The following RANBP2 variants were observed in gnomAD, a reference collection of about 807,000 sequenced individuals.
The protein encoded by RANBP2 is E3 SUMO-protein ligase RanBP2.
In RANBP2, 57 loss-of-function variants were observed where a neutral mutation model predicts 303.6. The ratio of observed to expected loss-of-function variants is 0.19; its 90% CI spans 0.15 to 0.23. The LOEUF (loss-of-function observed/expected upper bound fraction) is 0.23. Ranked by LOEUF, RANBP2 falls within the 10% of genes least tolerant of loss-of-function variation. The pLI, the probability that RANBP2 is intolerant of heterozygous loss-of-function variation, is 1.00. For missense variants in RANBP2, 3,138 were observed against 3,780.8 expected, an observed-to-expected ratio of 0.83 and a Z score of 4.46; for synonymous variants, 1,167 against 1,301.5, an observed-to-expected ratio of 0.90 and a Z score of 2.23.
At chr2:109,371,262 C>T in the RANBP2 span, among the ~76,000 whole-genome samples, 5 of 152,322 alleles carry the variant, frequency 3.3e-5, no homozygotes, top group Middle Eastern at 3.4e-3. Context: ...TGGTGGCACA[C>T]GCCTGTAATC....
the RANBP2 span, among the ~76,000 whole-genome samples, chr2:108,857,732 A>C: frequency 6.6e-6 from 1 of 152,214 alleles, no homozygotes; most frequent in Non-Finnish European, 1.5e-5. Flanking sequence ...GTAGAATGAA[A>C]AGTGAAAAGT....
the RANBP2 span, among the ~76,000 whole-genome samples, chr2:108,924,317 G>C: frequency 1.3e-5 from 2 of 152,204 alleles, no homozygotes; most frequent in Non-Finnish European, 2.9e-5. Context: ...CACAGCCCCT[G>C]CTGGCACCAC....
At chr2:108,978,392 A>C in the RANBP2 span, among the ~76,000 whole-genome samples, 3 of 152,214 alleles carry the variant, frequency 2.0e-5, no homozygotes, top group Admixed American at 6.5e-5. Context: ...CAGTAAAAAA[A>C]CAAAAATATC....
the RANBP2 span, among the ~76,000 whole-genome samples, chr2:109,553,442 G>A: frequency 6.6e-6 from 1 of 151,756 alleles, no homozygotes; most frequent in African/African-American, 2.4e-5. Context: ...TACATGGGAG[G>A]CTGAGGTGGG....
the RANBP2 span, among the ~76,000 whole-genome samples, chr2:108,869,223 G>A: frequency 6.6e-6 from 1 of 152,074 alleles, no homozygotes; most frequent in African/African-American, 2.4e-5. Flanking sequence ...AAGATCTGTA[G>A]CAACCCAGCA....
chr2:109,260,736 G>A, the RANBP2 span, among the ~76,000 whole-genome samples: 7 of 152,160 alleles, frequency 4.6e-5, no homozygotes, highest in Non-Finnish European at 1.0e-4. Context: ...ACTGTCCATG[G>A]GCAATCCAGG....
At chr2:108,741,694 A>G (rs1696107922) in intron 7 of RANBP2, among the ~76,000 whole-genome samples, 1 of 148,774 alleles carries the variant, frequency 6.7e-6, no homozygotes, top group East Asian at 2.0e-4. Context: ...TACTTTTAGT[A>G]TAAGAGACGG....
At chr2:109,529,601 A>ATTTGC in the RANBP2 span, among the ~76,000 whole-genome samples, 5 of 152,158 alleles carry the variant, frequency 3.3e-5, no homozygotes, top group South Asian at 4.1e-4. Context: ...TTTGGGTTTC[A>ATTTGC]TTTGCTTTGC....
At chr2:108,837,298 G>A in the RANBP2 span, among the ~76,000 whole-genome samples, 1 of 152,214 alleles carries the variant, frequency 6.6e-6, no homozygotes, top group Middle Eastern at 3.4e-3. Flanking sequence ...ATAATCGTGT[G>A]GGTTTTGTCC....
chr2:108,795,080 A>G, the RANBP2 span, among the ~76,000 whole-genome samples: 7 of 150,724 alleles, frequency 4.6e-5, no homozygotes, highest in Non-Finnish European at 1.0e-4. Context: ...CTTCTTGTCA[A>G]CTCTCATCAA....
the RANBP2 span, among the ~76,000 whole-genome samples, chr2:108,893,835 A>ATAAT: frequency 6.6e-6 from 1 of 152,156 alleles, no homozygotes; most frequent in Non-Finnish European, 1.5e-5. Flanking sequence ...TTGTCTCAAA[A>ATAAT]TAATTATGTA....
chr2:109,270,515 A>G, the RANBP2 span, among the ~76,000 whole-genome samples: 1 of 152,166 alleles, frequency 6.6e-6, no homozygotes, highest in Non-Finnish European at 1.5e-5. Flanking sequence ...CAGGAGGGTG[A>G]GTAGAACCCA....
At chr2:109,253,905 T>C in the RANBP2 span, among the ~76,000 whole-genome samples, 28 of 152,126 alleles carry the variant, frequency 1.8e-4, no homozygotes, top group Non-Finnish European at 1.0e-4. Flanking sequence ...TTCTTCTTTC[T>C]AAAAGCATGG....
chr2:109,724,908 G>T, the RANBP2 span, among the ~76,000 whole-genome samples: 1 of 152,148 alleles, frequency 6.6e-6, no homozygotes, highest in African/African-American at 2.4e-5. Flanking sequence ...ACCCCCAAAG[G>T]GGTTCTTGGA....
At chr2:108,979,648 C>G in the RANBP2 span, among the ~76,000 whole-genome samples, 3 of 152,118 alleles carry the variant, frequency 2.0e-5, no homozygotes, top group East Asian at 5.8e-4. Context: ...CTCCTGCCTC[C>G]CTACCCAGGG....
the RANBP2 span, among the ~76,000 whole-genome samples, chr2:109,318,800 G>T: frequency 6.6e-6 from 1 of 152,208 alleles, no homozygotes; most frequent in Non-Finnish European, 1.5e-5. Context: ...ACGAGCTCTG[G>T]CCTGAGGCCA....
the RANBP2 span, among the ~76,000 whole-genome samples, chr2:109,159,583 G>A: frequency 6.6e-6 from 1 of 152,188 alleles, no homozygotes; most frequent in Non-Finnish European, 1.5e-5. Context: ...TATGACAGGG[G>A]TACCCAATCC....
the RANBP2 span, among the ~76,000 whole-genome samples, chr2:109,136,054 G>A: frequency 6.6e-6 from 1 of 152,178 alleles, no homozygotes; most frequent in East Asian, 1.9e-4. Context: ...TGATGGAGCT[G>A]AGCAGAATTC....
chr2:108,963,425 A>T, the RANBP2 span, among the ~76,000 whole-genome samples: 20 of 152,182 alleles, frequency 1.3e-4, no homozygotes, highest in Non-Finnish European at 1.0e-4. Flanking sequence ...AAGGACATTT[A>T]AAAAAATTGA....
Sources: allele counts gnomAD v4.1 joint callset (sites outside exome capture counted in the v4.1 genomes callset), GRCh38; gene constraint gnomAD v4.1.1; transcripts MANE v1.5; gene names NCBI Gene and HGNC (gene_info 2026-07-23, HGNC 2026-07-21).